Variants in SNTG1 observed in about 807,000 individuals in gnomAD.
The protein encoded by SNTG1 is syntrophin gamma 1, also known as gamma-1-syntrophin.
Under a neutral mutation model 74.7 loss-of-function variants are expected in SNTG1, and 39 were observed. The observed-to-expected ratio is 0.52, with a 90% CI of 0.40 to 0.68. The LOEUF (loss-of-function observed/expected upper bound fraction) is 0.68, where lower values mean the gene tolerates loss of function less well. SNTG1 is among the 30% of genes least tolerant of loss of function. The pLI is 0.00. For synonymous variants in SNTG1, 254 were observed against 217.1 expected, an observed-to-expected ratio of 1.17 and a Z score of -1.49; for missense variants, 685 against 609.5, an observed-to-expected ratio of 1.12 and a Z score of -1.30.
chr8:50,207,126 G>T (rs899549524), intron 2 of SNTG1, among the ~76,000 whole-genome samples: 2 of 152,120 alleles, frequency 1.3e-5, no homozygotes, highest in African/African-American at 4.8e-5. Context: ...GATTGGATTA[G>T]TTTCAGAAGG....
intron 12 of SNTG1, among the ~76,000 whole-genome samples, chr8:50,569,557 A>C (rs976746707): frequency 3.3e-5 from 5 of 152,168 alleles, no homozygotes; most frequent in African/African-American, 1.2e-4. Context: ...ACAAAAAAAA[A>C]ACCTTCTATT....
intron 2 of SNTG1, among the ~76,000 whole-genome samples, chr8:50,285,695 A>C (rs2088733276): frequency 1.3e-5 from 2 of 152,130 alleles, no homozygotes; most frequent in South Asian, 4.2e-4. Flanking sequence ...AAAAATGGCG[A>C]CTTCTGGACA....
chr8:50,155,572 C>A (rs545548951), intron 1 of SNTG1, among the ~76,000 whole-genome samples: 177 of 151,798 alleles, frequency 1.2e-3, no homozygotes, highest in Middle Eastern at 3.5e-3. Context: ...TAGAAATTCC[C>A]AAATATTTGT....
At chr8:50,481,784 T>C (rs2093742830) in intron 8 of SNTG1, among the ~76,000 whole-genome samples, 1 of 152,238 alleles carries the variant, frequency 6.6e-6, no homozygotes, top group Non-Finnish European at 1.5e-5. Context: ...ATCTATGAAA[T>C]CCTTTTACGT....
At position 50,671,692 on chromosome 8, in the gene SNTG1, A is replaced by C. The variant is rs182263448; in HGVS notation, c.1038+13029A>C. On this transcript the variant is annotated intron_variant, in intron 15 of 18. Coordinates refer to ENST00000642720, the MANE Select transcript of SNTG1 (RefSeq NM_018967.5). The stretch of plus-strand genomic sequence containing the variant: ...CATTTGACCCAGCAATCCCATTCCT[A>C]GGTATATACCCAAAGGACTATAAAT... Among the ~76,000 whole-genome samples the C allele has an allele frequency of 6.0e-5, 9 of 150,908 alleles. No homozygotes were observed. In the East Asian group the frequency reaches 1.2e-3, roughly 20 times the overall value.
chr8:50,264,579 A>C (rs2130160431), intron 2 of SNTG1, among the ~76,000 whole-genome samples: 1 of 151,916 alleles, frequency 6.6e-6, no homozygotes, highest in Non-Finnish European at 1.5e-5. Flanking sequence ...CAAAATAAAA[A>C]AAAAAAGAAG....
intron 2 of SNTG1, among the ~76,000 whole-genome samples, chr8:50,269,015 A>C (rs2087632469): frequency 6.6e-6 from 1 of 152,170 alleles, no homozygotes; most frequent in Non-Finnish European, 1.5e-5. Context: ...TGGCCTTTTC[A>C]CCAAATGATA....
intron 17 of SNTG1, 120 bp downstream of exon 17, chr8:50,709,098 C>A: frequency 1.3e-6 from 1 of 758,628 alleles, no homozygotes; most frequent in Non-Finnish European, 2.1e-6. Flanking sequence ...TTAAGATCTT[C>A]GTTTTTGTTA....
At chr8:49,940,694 C>T (rs1808607660) in intron 1 of SNTG1, among the ~76,000 whole-genome samples, 1 of 152,140 alleles carries the variant, frequency 6.6e-6, no homozygotes, top group Non-Finnish European at 1.5e-5. Flanking sequence ...CAACAGAGAA[C>T]TCAAAACAGT....
At chr8:50,326,175 T>C (rs1322822785) in intron 2 of SNTG1, among the ~76,000 whole-genome samples, 2 of 152,048 alleles carry the variant, frequency 1.3e-5, no homozygotes, top group African/African-American at 4.8e-5. Flanking sequence ...TTGTAATGTC[T>C]TTATATTGTT....
chr8:50,050,760 C>T (rs1032745159), intron 1 of SNTG1, among the ~76,000 whole-genome samples: 1 of 151,924 alleles, frequency 6.6e-6, no homozygotes, highest in African/African-American at 2.4e-5. Flanking sequence ...GTCAACATCC[C>T]ATATCAATGT....
chr8:50,393,972 G>A (rs2092695816), intron 2 of SNTG1, among the ~76,000 whole-genome samples: 1 of 152,186 alleles, frequency 6.6e-6, no homozygotes, highest in Non-Finnish European at 1.5e-5. Context: ...GCCTGGAAAT[G>A]CACACTCAAT....
intron 1 of SNTG1, among the ~76,000 whole-genome samples, chr8:49,942,907 C>T (rs7012959): frequency 0.013 from 1,970 of 152,248 alleles, 49 homozygotes; most frequent in African/African-American, 0.043. Context: ...CCATACTGTG[C>T]TCTTTGGAAA....
intron 2 of SNTG1, among the ~76,000 whole-genome samples, chr8:50,390,764 TCTC>T (rs2092646345): frequency 1.3e-5 from 2 of 152,172 alleles, no homozygotes; most frequent in Admixed American, 1.3e-4. Context: ...GGTTTGTAGT[TCTC>T]CTTGAAAAGG....
At chr8:50,537,541 T>A (rs564357467) in intron 11 of SNTG1, among the ~76,000 whole-genome samples, 1 of 152,140 alleles carries the variant, frequency 6.6e-6, no homozygotes, top group South Asian at 2.1e-4. Context: ...TGCTAAGGAG[T>A]TGTACATTTT....
chr8:50,775,226 G>A (rs79793629), intron 18 of SNTG1, among the ~76,000 whole-genome samples: 3 of 151,392 alleles, frequency 2.0e-5, no homozygotes, highest in Admixed American at 1.3e-4. Context: ...GTTCTCATGA[G>A]AACTTGTTTA....
chr8:50,351,560 C>T (rs2091662181), intron 2 of SNTG1, among the ~76,000 whole-genome samples: 1 of 152,096 alleles, frequency 6.6e-6, no homozygotes, highest in Non-Finnish European at 1.5e-5. Context: ...TTGAGATGTT[C>T]TTGAAATAAA....
intron 17 of SNTG1, among the ~76,000 whole-genome samples, chr8:50,729,065 C>T (rs1012150272): frequency 1.3e-5 from 2 of 152,168 alleles, no homozygotes; most frequent in Non-Finnish European, 2.9e-5. Context: ...TTTGTTCTAT[C>T]TTAGGTCACC....
chr8:50,190,363 T>C (rs2083526344), intron 2 of SNTG1, among the ~76,000 whole-genome samples: 1 of 152,202 alleles, frequency 6.6e-6, no homozygotes, highest in Non-Finnish European at 1.5e-5. Flanking sequence ...TTATATTTCA[T>C]ATTTTCTGCT....
Sources: allele counts gnomAD v4.1 joint callset (sites outside exome capture counted in the v4.1 genomes callset), GRCh38; gene constraint gnomAD v4.1.1; transcripts MANE v1.5; gene names NCBI Gene and HGNC (gene_info 2026-07-23, HGNC 2026-07-21).